Variants in PDGFD observed in about 807,000 individuals in gnomAD.
The protein encoded by PDGFD is platelet derived growth factor D.
PDGFD carries 30 observed loss-of-function variants against 44.7 expected under a neutral mutation model. That is an observed-to-expected ratio of 0.67 (90% CI 0.50 to 0.91). The LOEUF (loss-of-function observed/expected upper bound fraction) is 0.91, where lower values mean the gene tolerates loss of function less well. PDGFD is among the 40% of genes least tolerant of loss of function. The pLI is 0.00. For synonymous variants in PDGFD, 173 were observed against 168.4 expected (o/e 1.03, Z -0.21); for missense variants, 445 against 457.8 (o/e 0.97, Z 0.25).
intron 1 of PDGFD, among the ~76,000 whole-genome samples, chr11:104,133,777 A>G (rs1861959105): frequency 6.6e-6 from 1 of 152,166 alleles, no homozygotes; most frequent in South Asian, 2.1e-4. Context: ...CCAGTCTATC[A>G]ATTAAAACAA....
At chr11:103,970,343 T>C (rs894567737) in intron 3 of PDGFD, among the ~76,000 whole-genome samples, 1 of 152,204 alleles carries the variant, frequency 6.6e-6, no homozygotes, top group South Asian at 2.1e-4. Context: ...AATCTAGAAA[T>C]GTAACTGCTT....
At chr11:104,119,953 T>G (rs1861747296) in intron 1 of PDGFD, among the ~76,000 whole-genome samples, 1 of 139,198 alleles carries the variant, frequency 7.2e-6, no homozygotes, top group African/African-American at 2.6e-5. Flanking sequence ...ATATATAAGT[T>G]ATTATATATT....
chr11:103,947,104 A>T (rs764790481), intron 4 of PDGFD, among the ~76,000 whole-genome samples: 15 of 152,236 alleles, frequency 9.9e-5, no homozygotes, highest in Non-Finnish European at 1.6e-4. Flanking sequence ...GAGACTGAAT[A>T]CTGAGAAATG....
At chr11:104,146,457 G>T (rs1862164200) in intron 1 of PDGFD, among the ~76,000 whole-genome samples, 1 of 152,156 alleles carries the variant, frequency 6.6e-6, no homozygotes, top group Non-Finnish European at 1.5e-5. Context: ...TTTTTCATCT[G>T]ATAGTTTCAC....
At chr11:103,998,960 C>T (rs1190239004) in intron 2 of PDGFD, among the ~76,000 whole-genome samples, 1 of 152,056 alleles carries the variant, frequency 6.6e-6, no homozygotes, top group Non-Finnish European at 1.5e-5. Context: ...GTCTTTTTCC[C>T]ATGATTTTTT....
intron 1 of PDGFD, chr11:104,038,128 C>T (rs1009403637): frequency 9.2e-7 from 1 of 1,087,086 alleles, no homozygotes; most frequent in South Asian, 1.7e-5. Flanking sequence ...CTAAACCTGG[C>T]CTTGGGACTA....
Position 104,161,582 on chromosome 11 carries a change from T to C in PDGFD, c.124+2222A>G, listed in dbSNP as rs532928153. ...ACCTCCATCCCTTAAAGACTCTTTT[T>C]AGACTTCTTTTCTGATCACTCTCCC... On this transcript the variant is annotated intron_variant, in intron 1 of 6. Transcript: ENST00000393158. Among the ~76,000 whole-genome samples, 6 of 152,366 alleles carry C rather than the reference T, an allele frequency of 3.9e-5. No individual in the cohort carries two copies. The East Asian group carries it at 9.6e-4, about 25-fold the overall frequency.
chr11:104,164,093 T>C lies in PDGFD; in HGVS notation c.-166A>G. On this transcript the variant is annotated 5_prime_UTR_variant, in exon 1 of 7. Coordinates refer to ENST00000393158, the MANE Select transcript of PDGFD (RefSeq NM_025208.5). Reference sequence around the variant, plus strand: ...TCCCCAAACTTCCTGCATGCTGAACTTTCCGAGCGCGTGTGGGTGCCGCAC... The same window carrying C: ...TCCCCAAACTTCCTGCATGCTGAACCTTCCGAGCGCGTGTGGGTGCCGCAC... 1 of 635,454 alleles carries C rather than the reference T, an allele frequency of 1.6e-6. No homozygotes were observed. The highest frequency in any genetic ancestry group is 4.0e-5 in the South Asian group (1 of 25,304). The allele number at this position is 635,454 out of a possible 1,614,324, so 39.4% of individuals were successfully genotyped here.
Position 104,163,971 on chromosome 11 carries a change from G to C in PDGFD, c.-44C>G, listed in dbSNP as rs886733483. 4 of 1,494,910 alleles carry C rather than the reference G, an allele frequency of 2.7e-6. No homozygotes were observed. The highest frequency in any genetic ancestry group is 3.6e-6 in the Non-Finnish European group (4 of 1,106,642). 92.6% of individuals were successfully genotyped at this position (1,494,910 alleles called of 1,614,324 possible). On this transcript the variant is annotated 5_prime_UTR_variant, in exon 1 of 7. Coordinates refer to ENST00000393158, the MANE Select transcript of PDGFD (RefSeq NM_025208.5). Reference sequence around the variant, plus strand: ...GACAGCGTCGCTCCAAGAAAAAGCCGGGTTCTGCTCCCGGGACCGACGCCG... The same window carrying C: ...GACAGCGTCGCTCCAAGAAAAAGCCCGGTTCTGCTCCCGGGACCGACGCCG...
Position 104,071,237 on chromosome 11 carries a change from G to A in PDGFD, c.125-70982C>T, listed in dbSNP as rs532069739. Among the ~76,000 whole-genome samples, 772 of 151,858 alleles carry A rather than the reference G, an allele frequency of 5.1e-3. 4 individuals are homozygous for A. The highest frequency in any genetic ancestry group is 8.2e-3 in the Non-Finnish European group (557 of 67,844). On this transcript the variant is annotated intron_variant, in intron 1 of 6. Transcript: ENST00000393158. ...AACATTACACCAATATGTAAAAATG[G>A]TATGTCATAATAACTTTAACTTAAA...
intron 3 of PDGFD, among the ~76,000 whole-genome samples, chr11:103,972,045 C>A (rs567310210): frequency 1.1e-4 from 16 of 152,258 alleles, no homozygotes; most frequent in Admixed American, 6.5e-4. Flanking sequence ...CCTAATAGGT[C>A]CTGTTGCTCC....
chr11:104,108,889 A>G (rs1048771085), intron 1 of PDGFD, among the ~76,000 whole-genome samples: 1 of 152,192 alleles, frequency 6.6e-6, no homozygotes, highest in Non-Finnish European at 1.5e-5. Flanking sequence ...GGATGAGTTC[A>G]TGTCCTTTGT....
chr11:103,946,967 G>A (rs1008412025), intron 4 of PDGFD, among the ~76,000 whole-genome samples: 1 of 152,198 alleles, frequency 6.6e-6, no homozygotes. Flanking sequence ...CCATGGGCAA[G>A]CTTTCTCTAT....
intron 1 of PDGFD, among the ~76,000 whole-genome samples, chr11:104,007,177 C>T (rs766384342): frequency 1.3e-5 from 2 of 152,102 alleles, no homozygotes; most frequent in African/African-American, 4.8e-5. Context: ...GGAAGTATCC[C>T]GTTTTACTGT....
intron 1 of PDGFD, among the ~76,000 whole-genome samples, chr11:104,061,222 C>T (rs1243626907): frequency 4.0e-5 from 6 of 151,266 alleles, no homozygotes; most frequent in Non-Finnish European, 7.4e-5. Context: ...CTTTATGACA[C>T]TAAGTAAGAA....
rs531752136 is a variant in PDGFD at position 103,969,013 on chromosome 11, A to T, written c.511-21289T>A. ...TATCTAATTCCACTTCATCATTTAGAACACAAATGAAACCACATCCTTTGA... is the reference window on the plus strand; with the variant it reads ...TATCTAATTCCACTTCATCATTTAGTACACAAATGAAACCACATCCTTTGA... On this transcript the variant is annotated intron_variant, in intron 3 of 6. Coordinates refer to ENST00000393158, the MANE Select transcript of PDGFD (RefSeq NM_025208.5). 2.0e-5 allele frequency among the ~76,000 whole-genome samples: 3 copies of T among 152,336 alleles called. 1 individual carries two copies. In the South Asian group the frequency reaches 6.2e-4, roughly 32 times the overall value.
chr11:104,149,708 A>G (rs902068708), intron 1 of PDGFD, among the ~76,000 whole-genome samples: 2 of 152,122 alleles, frequency 1.3e-5, no homozygotes, highest in Non-Finnish European at 1.5e-5. Flanking sequence ...TCCCAATTTC[A>G]ACCCGTTTAT....
chr11:103,920,764 T>C (rs550020302), intron 6 of PDGFD, among the ~76,000 whole-genome samples: 3 of 152,344 alleles, frequency 2.0e-5, no homozygotes, highest in African/African-American at 7.2e-5. Flanking sequence ...ACATGTGTTA[T>C]CATTGCCATT....
intron 1 of PDGFD, among the ~76,000 whole-genome samples, chr11:104,080,410 A>T (rs1297422552): frequency 3.9e-5 from 6 of 152,194 alleles, no homozygotes; most frequent in Admixed American, 2.6e-4. Context: ...ATATCATATG[A>T]TTCTTTCTAG....
Sources: gnomAD v4.1 joint callset for allele counts (sites outside exome capture counted in the v4.1 genomes callset) on GRCh38, gnomAD v4.1.1 for gene constraint, MANE v1.5 for transcripts, NCBI Gene and HGNC (gene_info 2026-07-23, HGNC 2026-07-21) for gene names.